CLIP4: variants seen among roughly 807,000 people sequenced by gnomAD.
CLIP4 encodes the protein CAP-Gly domain containing linker protein family member 4.
In CLIP4, 47 loss-of-function variants were observed where a neutral mutation model predicts 73.1. The observed-to-expected ratio is 0.64, with a 90% CI of 0.51 to 0.82. The LOEUF (loss-of-function observed/expected upper bound fraction) is 0.82, where lower values mean the gene tolerates loss of function less well. CLIP4 is among the 40% of genes least tolerant of loss of function. The pLI, the probability that CLIP4 is intolerant of heterozygous loss-of-function variation, is 0.00. For synonymous variants in CLIP4, 306 were observed against 295.4 expected (o/e 1.04, Z -0.37); for missense variants, 874 against 852.9 (o/e 1.02, Z -0.31).
At chr2:29,112,418 T>G (rs1668406470), upstream of CLIP4, among the ~76,000 whole-genome samples, 1 of 152,250 alleles carries the variant, frequency 6.6e-6, no homozygotes, top group South Asian at 2.1e-4. Context: ...AAATAGAGTT[T>G]TAAAATTTTC....
At chr2:29,152,900 A>C in intron 9 of CLIP4, 72 bp downstream of exon 9, 1 of 1,523,762 alleles carries the variant, frequency 6.6e-7, no homozygotes, top group Non-Finnish European at 8.9e-7. Context: ...TAATATTTAG[A>C]TTGCTTCACT....
chr2:29,145,177 A>G, intron 7 of CLIP4, 55 bp from the exon 8 acceptor site: 10 of 1,501,864 alleles, frequency 6.7e-6, no homozygotes, highest in Non-Finnish European at 8.2e-6. Flanking sequence ...CAAGAGTAGG[A>G]CCCTTGGAAT....
At chr2:29,170,100 G>C (rs1004944735) in intron 14 of CLIP4, among the ~76,000 whole-genome samples, 1 of 152,062 alleles carries the variant, frequency 6.6e-6, no homozygotes, top group Non-Finnish European at 1.5e-5. Flanking sequence ...TTTTATGGTG[G>C]AATAATATTC....
chr2:29,159,524 A>G (rs1667147689), intron 11 of CLIP4, among the ~76,000 whole-genome samples: 1 of 152,140 alleles, frequency 6.6e-6, no homozygotes, highest in Non-Finnish European at 1.5e-5. Context: ...TAGGATAATT[A>G]GAACCGTATA....
chr2:29,101,537 C>T (rs1668049515), intron 1 of CLIP4, among the ~76,000 whole-genome samples: 1 of 152,118 alleles, frequency 6.6e-6, no homozygotes, highest in Admixed American at 6.5e-5. Flanking sequence ...TTATCCTGGC[C>T]ATGCTGGCAG....
At chr2:29,156,560 T>A (rs573965369) in intron 10 of CLIP4, 117 bp downstream of exon 10, 1 of 685,118 alleles carries the variant, frequency 1.5e-6, no homozygotes, top group Non-Finnish European at 2.4e-6. Context: ...GGAAAAATTA[T>A]AGTAAAAATT....
intron 11 of CLIP4, among the ~76,000 whole-genome samples, chr2:29,158,522 TG>T (rs1667084864): frequency 6.6e-6 from 1 of 151,532 alleles, no homozygotes; most frequent in Non-Finnish European, 1.5e-5. Context: ...AAGAGGGAGA[TG>T]GGCCGAGAAT....
chr2:29,168,420 T>G, intron 14 of CLIP4, among the ~76,000 whole-genome samples: 1 of 151,958 alleles, frequency 6.6e-6, no homozygotes, highest in Non-Finnish European at 1.5e-5. Flanking sequence ...ACTTGTCTTT[T>G]AATATTTTTA....
intron 9 of CLIP4, among the ~76,000 whole-genome samples, chr2:29,154,079 C>T (rs1476829307): frequency 6.6e-6 from 1 of 152,082 alleles, no homozygotes; most frequent in East Asian, 1.9e-4. Flanking sequence ...TAATTAGGCC[C>T]TTTGAAAATA....
At chr2:29,178,448 A>G (rs1208180203) in intron 15 of CLIP4, among the ~76,000 whole-genome samples, 1 of 152,030 alleles carries the variant, frequency 6.6e-6, no homozygotes, top group Admixed American at 6.6e-5. Flanking sequence ...CCCAAAATTC[A>G]GGGATTACAG....
intron 1 of CLIP4, chr2:29,098,073 C>T (rs962668572): frequency 6.6e-6 from 1 of 152,116 alleles, no homozygotes; most frequent in African/African-American, 2.4e-5. Context: ...GTGTGGGTTT[C>T]AGTAACTGGA....
chr2:29,149,165 TG>T (rs1205386328), intron 8 of CLIP4, among the ~76,000 whole-genome samples: 1 of 152,184 alleles, frequency 6.6e-6, no homozygotes, highest in Non-Finnish European at 1.5e-5. Flanking sequence ...CAGATGGACG[TG>T]GCTACGGTTC....
At chr2:29,120,115 T>A (rs1664154923) in intron 1 of CLIP4, among the ~76,000 whole-genome samples, 1 of 152,194 alleles carries the variant, frequency 6.6e-6, no homozygotes, top group African/African-American at 2.4e-5. Context: ...CCTATTTATG[T>A]GGCAAGGTTA....
chr2:29,141,938 A>G (rs879564957), intron 6 of CLIP4, among the ~76,000 whole-genome samples: 8 of 152,132 alleles, frequency 5.3e-5, no homozygotes, highest in Non-Finnish European at 1.2e-4. Flanking sequence ...CTTTTGTGAC[A>G]GCAAGTATTA....
chr2:29,121,286 A>G, intron 1 of CLIP4, 88 bp from the exon 2 acceptor site: 2 of 1,270,206 alleles, frequency 1.6e-6, no homozygotes, highest in Admixed American at 2.5e-5. Context: ...ATTTGACGTC[A>G]AATAACTTTT....
rs74982842 is a variant in CLIP4, at chr2:29,157,189, C to T, written c.1256-15C>T. The T allele has an allele frequency of 5.3e-3, 8,485 of 1,612,666 alleles. 405 individuals are homozygous for T. The African/African-American group carries it at 0.1, about 19-fold the overall frequency. On this transcript the variant is annotated splice_polypyrimidine_tract_variant and intron_variant, in intron 10 of 15. Transcript: ENST00000320081. ...CTTATTTTCCACCGTTTGACACGTT[C>T]TTTATCTGTTACAGTTGCCCTGCTT...
At chr2:29,132,337 G>T in intron 4 of CLIP4, 92 bp downstream of exon 4, 2 of 980,804 alleles carry the variant, frequency 2.0e-6, no homozygotes, top group Non-Finnish European at 3.2e-6. Flanking sequence ...CTGGGGGAAG[G>T]CACCCAGCTG....
At chr2:29,150,643 C>CTTT (rs34553625) in intron 8 of CLIP4, among the ~76,000 whole-genome samples, 168 of 80,262 alleles carry the variant, frequency 2.1e-3, no homozygotes, top group African/African-American at 4.5e-3. Flanking sequence ...TTGATTTGCT[C>CTTT]TTTTTTTTTT....
At chr2:29,125,353 A>G (rs1039184625) in intron 2 of CLIP4, among the ~76,000 whole-genome samples, 1 of 152,172 alleles carries the variant, frequency 6.6e-6, no homozygotes, top group African/African-American at 2.4e-5. Flanking sequence ...TACTTCAAGT[A>G]TTTCCTCACA....
Sources: allele counts gnomAD v4.1 joint callset (sites outside exome capture counted in the v4.1 genomes callset), GRCh38; gene constraint gnomAD v4.1.1; transcripts MANE v1.5; gene names NCBI Gene and HGNC (gene_info 2026-07-23, HGNC 2026-07-21).